DCTN1: variants seen among roughly 807,000 people sequenced by gnomAD.
DCTN1 encodes 150 kDa dynein-associated polypeptide.
DCTN1 carries 61 observed loss-of-function variants against 161.2 expected under a neutral mutation model. The ratio of observed to expected loss-of-function variants is 0.38; its 90% CI spans 0.31 to 0.47. The LOEUF (loss-of-function observed/expected upper bound fraction) is 0.47. Ranked by LOEUF, DCTN1 falls within the 20% of genes least tolerant of loss-of-function variation. The pLI, the probability that DCTN1 is intolerant of heterozygous loss-of-function variation, is 0.99. For synonymous variants in DCTN1, 653 were observed against 632.4 expected, an observed-to-expected ratio of 1.03 and a Z score of -0.49; for missense variants, 1,404 against 1,623.7, an observed-to-expected ratio of 0.86 and a Z score of 2.33.
At chr2:74,367,463 G>C (rs1325458705) in intron 18 of DCTN1, 43 bp from the exon 19 acceptor site, 15 of 1,608,012 alleles carry the variant, frequency 9.3e-6, no homozygotes, top group Non-Finnish European at 1.3e-5. Flanking sequence ...GCCCTGGAGC[G>C]GGTGGGGAGT....
Position 74,370,830 on chromosome 2 carries a change from GGAA to G in DCTN1, c.844-8_844-6del, listed in dbSNP as rs1397454425. 1 of 1,614,050 alleles carries G rather than the reference GGAA, an allele frequency of 6.2e-7. No homozygotes were observed. The highest frequency in any genetic ancestry group is 8.5e-7 in the Non-Finnish European group (1 of 1,180,038). ...CTCCAGCGCCTCCTTGGCTTCCTGA[GGAA>G]GAAGTGGAGGTGGGAGGGGGTACCA... On this transcript the variant is annotated splice_polypyrimidine_tract_variant and splice_region_variant and intron_variant, in intron 9 of 31. Transcript: ENST00000628224. The surrounding 1 kb of genome is among the most constrained non-coding windows in gnomAD (Gnocchi z 4.4).
At chr2:74,372,195 A>G (rs1416945419) in intron 7 of DCTN1, among the ~76,000 whole-genome samples, 1 of 152,188 alleles carries the variant, frequency 6.6e-6, no homozygotes, top group Non-Finnish European at 1.5e-5. Flanking sequence ...TCTAATTTCC[A>G]CAGAAGGTTG....
In DCTN1 at chr2:74,371,657, TGCTGAC is replaced by T. The variant is rs1162908270; in HGVS notation, c.519_524del (p.Ser174_Ala175del). On this transcript the variant is annotated inframe_deletion, in exon 8 of 32. Coordinates refer to ENST00000628224, the MANE Select transcript of DCTN1 (RefSeq NM_004082.5). ...TGGGCTCACTGCTGCTCAGCTCACC[TGCTGAC>T]GCTGAGCCAGAGGGGCCCAGGGAGC... 6.3e-7 allele frequency: 1 copy of T among 1,598,632 alleles called. No individual in the cohort carries two copies. The highest frequency in any genetic ancestry group is 1.8e-5 in the Admixed American group (1 of 57,058).
upstream of DCTN1, among the ~76,000 whole-genome samples, chr2:74,382,210 A>C (rs1168519746): frequency 6.6e-6 from 1 of 152,198 alleles, no homozygotes. Flanking sequence ...ATAGTCCCCT[A>C]ATTTCTTGGA....
At chr2:74,372,510 G>C (rs888535704) in intron 7 of DCTN1, among the ~76,000 whole-genome samples, 1 of 152,226 alleles carries the variant, frequency 6.6e-6, no homozygotes, top group Non-Finnish European at 1.5e-5. Context: ...CCAGTGGGCT[G>C]ACACTCAGAG....
rs754229316 is a variant in DCTN1 at position 74,371,082 on chromosome 2, T to A, written c.740A>T (p.Glu247Val). 6.2e-7 allele frequency: 1 copy of A among 1,614,210 alleles called. No homozygotes were observed. The highest frequency in any genetic ancestry group is 1.1e-5 in the South Asian group (1 of 91,082). The stretch of plus-strand genomic sequence containing the variant: ...CAGCTGGATTTTGTGTTTCTCCAGC[T>A]CTTTTAGCTTTGCTTTGTCTTCTGC... ...KRAEDKAKLK[E>V]LEKHKIQLEQ... Residue 247 changes from glutamate (E) to valine (V), a missense_variant, in exon 9 of 32, where the codon GAG becomes GTG. Coordinates refer to ENST00000628224, the MANE Select transcript of DCTN1 (RefSeq NM_004082.5).
At chr2:74,386,201 T>C (rs767169032) in intron 1 of DCTN1, among the ~76,000 whole-genome samples, 7 of 152,186 alleles carry the variant, frequency 4.6e-5, no homozygotes, top group Admixed American at 1.3e-4. Context: ...TTAGCAACCC[T>C]AGACTCTAGG....
At chr2:74,362,546 C>G (rs1674085864) in intron 30 of DCTN1, 104 bp downstream of exon 30, 3 of 1,225,550 alleles carry the variant, frequency 2.4e-6, no homozygotes, top group East Asian at 5.0e-5. Context: ...CATCTCCTCC[C>G]CAATTGCTGT....
Position 74,366,442 on chromosome 2 carries a change from C to T in DCTN1, c.2628+17G>A. The T allele has an allele frequency of 2.5e-6, 4 of 1,614,228 alleles. No individual in the cohort carries two copies. Among genetic ancestry groups the T allele is most frequent in the Non-Finnish European group, 3.4e-6 (4 of 1,180,042 alleles). On this transcript the variant is annotated intron_variant, in intron 22 of 31. Transcript: ENST00000628224. ...ACTAACTCTCCCCACACCTTCTACC[C>T]AGCCATCCAGGCCCACCTGCTCGCT...
intron 7 of DCTN1, 166 bp from the exon 8 acceptor site, chr2:74,371,894 G>T: frequency 1.6e-6 from 1 of 630,820 alleles, no homozygotes; most frequent in Non-Finnish European, 2.8e-6. Context: ...AGGGGACAAG[G>T]AAAATGATAC....
At position 74,371,702 on chromosome 2, in the gene DCTN1, C is replaced by T; in HGVS notation, c.480G>A (p.Val160=). Reference sequence around the variant, plus strand: ...GGCCCAGGGAGCTACTGGCCCCAGCCACCCCAGTACTGGCTGGGCGCGTGG... The same window carrying T: ...GGCCCAGGGAGCTACTGGCCCCAGCTACCCCAGTACTGGCTGGGCGCGTGG... ...PKPTRPASTG[V]AGASSSLGPS... is the part of the protein sequence containing the mutation. Residue 160 remains valine (V), a synonymous_variant, in exon 8 of 32, where the codon GTG becomes GTA. Transcript: ENST00000628224. 1 of 1,608,404 alleles carries T rather than the reference C, an allele frequency of 6.2e-7. No homozygotes were observed. Among genetic ancestry groups the T allele is most frequent in the Non-Finnish European group, 8.5e-7 (1 of 1,178,366 alleles).
At chr2:74,362,588 C>T (rs1045388029) in intron 30 of DCTN1, 62 bp downstream of exon 30, 4 of 1,560,570 alleles carry the variant, frequency 2.6e-6, no homozygotes, top group African/African-American at 1.4e-5. Flanking sequence ...AGGAACTCCA[C>T]AAGTGCCTGG....
At chr2:74,373,255 G>A (rs918696238) in intron 6 of DCTN1, 5 of 459,808 alleles carry the variant, frequency 1.1e-5, no homozygotes, top group Non-Finnish European at 2.0e-5. Context: ...CATAGAACAA[G>A]GAAGCAGCTA....
intron 1 of DCTN1, among the ~76,000 whole-genome samples, chr2:74,389,912 G>A (rs1366856535): frequency 5.3e-5 from 8 of 151,994 alleles, no homozygotes; most frequent in Admixed American, 5.2e-4. Context: ...TCCTTCCCTA[G>A]TTCCAACCAC....
intron 2 of DCTN1, 53 bp from the exon 3 acceptor site, chr2:74,377,779 AGGACG>A: frequency 6.4e-7 from 1 of 1,561,680 alleles, no homozygotes; most frequent in Non-Finnish European, 8.8e-7. Context: ...AGCCAGATCA[AGGACG>A]GCTGTAATAT....
At chr2:74,365,009 T>C (rs546042349) in intron 26 of DCTN1, 66 bp downstream of exon 26, 4 of 1,608,662 alleles carry the variant, frequency 2.5e-6, no homozygotes, top group Non-Finnish European at 3.4e-6. Flanking sequence ...GAGGTCAAAA[T>C]GAGGCCAAGG....
intron 20 of DCTN1, 37 bp downstream of exon 20, chr2:74,367,008 A>C (rs759938935): frequency 6.2e-7 from 1 of 1,614,234 alleles, no homozygotes; most frequent in South Asian, 1.1e-5. Flanking sequence ...GGACTAAGAA[A>C]GAAGAGGAGC....
At position 74,367,111 on chromosome 2, in the gene DCTN1, TGAG is replaced by T; in HGVS notation, c.2254-7_2254-5del. The T allele has an allele frequency of 6.2e-7, 1 of 1,614,148 alleles. No homozygotes were observed. Among genetic ancestry groups the T allele is most frequent in the Non-Finnish European group, 8.5e-7 (1 of 1,180,038 alleles). ...AGTCCAGAGCACTCTGCGTGAACTGTGAGGATAGAAGCATGCAATCATCAGCCC... is the reference window on the plus strand; with the variant it reads ...AGTCCAGAGCACTCTGCGTGAACTGTGATAGAAGCATGCAATCATCAGCCC... On this transcript the variant is annotated splice_polypyrimidine_tract_variant and splice_region_variant and intron_variant, in intron 19 of 31. Coordinates refer to ENST00000628224, the MANE Select transcript of DCTN1 (RefSeq NM_004082.5).
chr2:74,362,355 A>C (rs531245469), intron 30 of DCTN1, among the ~76,000 whole-genome samples: 1 of 152,002 alleles, frequency 6.6e-6, no homozygotes, highest in Non-Finnish European at 1.5e-5. Context: ...CTCACATTCT[A>C]CCGCTCTTGG....
Sources: allele counts gnomAD v4.1 joint callset (sites outside exome capture counted in the v4.1 genomes callset), GRCh38; gene constraint gnomAD v4.1.1; non-coding constraint Gnocchi (gnomAD v3.1); transcripts MANE v1.5; gene names NCBI Gene and HGNC (gene_info 2026-07-23, HGNC 2026-07-21).